DEUP1: variants seen among roughly 807,000 people sequenced by gnomAD.
The protein encoded by DEUP1 is coiled-coil domain containing 67.
A neutral mutation model predicts 87.4 loss-of-function variants in DEUP1; 82 were observed. The observed-to-expected ratio is 0.94, with a 90% CI of 0.78 to 1.13. DEUP1 has a LOEUF of 1.13. Among genes scored for constraint, DEUP1 ranks in the 50% most tolerant of loss-of-function variants. The pLI, the probability that DEUP1 is intolerant of heterozygous loss-of-function variation, is 0.00. For missense variants in DEUP1, 663 were observed against 681.5 expected, an observed-to-expected ratio of 0.97 and a Z score of 0.30; for synonymous variants, 214 against 222.7, an observed-to-expected ratio of 0.96 and a Z score of 0.35.
At position 93,385,445 on chromosome 11, in the gene DEUP1, T is replaced by C. The variant is rs1946494923; in HGVS notation, c.837T>C (p.Arg279=). The C allele has an allele frequency of 6.2e-7, 1 of 1,612,846 alleles. No individual in the cohort carries two copies. The highest frequency in any genetic ancestry group is 8.5e-7 in the Non-Finnish European group (1 of 1,179,380). ...LSEVKSELQS[R]DDLLRIIEME... ...AGGTAAAAAGTGAGTTACAGTCACG[T>C]GATGATCTCTTGAGAATTATAGAAA... Residue 279 remains arginine (R), a synonymous_variant, in exon 8 of 14, where the codon CGT becomes CGC. Transcript: ENST00000298050.
intron 2 of DEUP1, among the ~76,000 whole-genome samples, chr11:93,349,502 G>A (rs533699763): frequency 6.6e-6 from 1 of 152,166 alleles, no homozygotes; most frequent in South Asian, 2.1e-4. Flanking sequence ...CAAAGGATCT[G>A]TGAGACCCCC....
intron 13 of DEUP1, among the ~76,000 whole-genome samples, chr11:93,420,611 G>A (rs201335589): frequency 0.82 from 112,593 of 137,122 alleles, 46,205 homozygotes; most frequent in East Asian, 0.9. Flanking sequence ...TAGGAAAAGA[G>A]GAAGTCAAAT....
At chr11:93,352,333 C>G (rs536221227) in intron 2 of DEUP1, 1 of 702,418 alleles carries the variant, frequency 1.4e-6, no homozygotes, top group African/African-American at 1.7e-5. Context: ...TAACTACCTG[C>G]TTATCCAGTC....
chr11:93,341,758 T>C (rs1325742900), intron 2 of DEUP1, among the ~76,000 whole-genome samples: 1 of 152,186 alleles, frequency 6.6e-6, no homozygotes, highest in African/African-American at 2.4e-5. Context: ...ATGGTTATTA[T>C]AATAAATTGC....
At chr11:93,347,480 T>C (rs2134185139) in intron 2 of DEUP1, among the ~76,000 whole-genome samples, 1 of 152,300 alleles carries the variant, frequency 6.6e-6, no homozygotes, top group Admixed American at 6.5e-5. Context: ...AGGTTTTTCT[T>C]TTTTTGTTTT....
At chr11:93,377,029 G>A (rs1007410244) in intron 7 of DEUP1, among the ~76,000 whole-genome samples, 2 of 152,154 alleles carry the variant, frequency 1.3e-5, no homozygotes, top group Admixed American at 6.5e-5. Context: ...GACTTGTTTT[G>A]TAGCCTATCT....
At chr11:93,399,664 T>G (rs1046327373) in intron 11 of DEUP1, among the ~76,000 whole-genome samples, 2 of 151,832 alleles carry the variant, frequency 1.3e-5, no homozygotes, top group African/African-American at 4.8e-5. Flanking sequence ...TTTCAATATC[T>G]TGGAACTTAT....
chr11:93,405,891 G>T (rs1446216669), intron 11 of DEUP1, among the ~76,000 whole-genome samples: 2 of 151,800 alleles, frequency 1.3e-5, no homozygotes, highest in Non-Finnish European at 2.9e-5. Context: ...CTTCGAAAAA[G>T]ATGTTTTACT....
At chr11:93,396,109 A>G (rs1946937091) in intron 10 of DEUP1, 130 bp from the exon 11 acceptor site, 1 of 657,596 alleles carries the variant, frequency 1.5e-6, no homozygotes, top group Non-Finnish European at 2.7e-6. Flanking sequence ...CCTGAATGTT[A>G]TTGGTCGTAC....
chr11:93,386,018 A>G (rs1422998876), intron 8 of DEUP1, among the ~76,000 whole-genome samples: 1 of 151,994 alleles, frequency 6.6e-6, no homozygotes, highest in Non-Finnish European at 1.5e-5. Flanking sequence ...GTGCCACTGT[A>G]CACCAGCCTG....
intron 11 of DEUP1, among the ~76,000 whole-genome samples, chr11:93,407,959 G>A (rs549266026): frequency 6.6e-6 from 1 of 151,966 alleles, no homozygotes. Context: ...TTTGGGGCAT[G>A]AGCAATATTG....
rs746658461 is a variant in DEUP1, at chr11:93,371,153, AAAGAG to A, written c.664_668del (p.Arg222Ter). The stretch of plus-strand genomic sequence containing the variant: ...CCAGATCCCAATTGTGAAATCAATG[AAAGAG>A]ATGAGTTCATTATTGAAAAACTGAA... On this transcript the variant is annotated frameshift_variant, in exon 7 of 14. Transcript: ENST00000298050. LOFTEE classifies it high-confidence loss of function. 6.2e-7 allele frequency: 1 copy of A among 1,613,338 alleles called. No individual in the cohort carries two copies.
At chr11:93,352,181 A>T (rs1024127179) in intron 2 of DEUP1, 1 of 527,782 alleles carries the variant, frequency 1.9e-6, no homozygotes, top group Non-Finnish European at 3.4e-6. Context: ...GTCATGTGGC[A>T]CCTGCCTCTC....
At chr11:93,433,795 G>A (rs1168629993) in intron 13 of DEUP1, among the ~76,000 whole-genome samples, 1 of 152,116 alleles carries the variant, frequency 6.6e-6, no homozygotes, top group Non-Finnish European at 1.5e-5. Context: ...GCAAAGATGT[G>A]GTCTGAGCTA....
At chr11:93,428,030 T>C (rs1340996366) in intron 13 of DEUP1, among the ~76,000 whole-genome samples, 8 of 152,006 alleles carry the variant, frequency 5.3e-5, no homozygotes, top group Admixed American at 4.6e-4. Context: ...TTGGTGGGAC[T>C]GTAAACTAGT....
At chr11:93,356,210 G>A (rs1014066361) in intron 3 of DEUP1, among the ~76,000 whole-genome samples, 8 of 152,154 alleles carry the variant, frequency 5.3e-5, no homozygotes, top group African/African-American at 1.2e-4. Flanking sequence ...GTTATATACC[G>A]TAACAAAACA....
At chr11:93,375,176 T>C (rs1009830667) in intron 7 of DEUP1, among the ~76,000 whole-genome samples, 18 of 152,210 alleles carry the variant, frequency 1.2e-4, no homozygotes, top group African/African-American at 3.6e-4. Flanking sequence ...ATTTGTCAGT[T>C]CTAGGAGCTT....
intron 4 of DEUP1, among the ~76,000 whole-genome samples, chr11:93,362,984 CA>C (rs1268696584): frequency 6.6e-6 from 1 of 151,546 alleles, no homozygotes; most frequent in African/African-American, 2.4e-5. Flanking sequence ...TTACAGTAGA[CA>C]AAAACTGGAA....
At position 93,396,207 on chromosome 11, in the gene DEUP1, T is replaced by C. The variant is rs544897196; in HGVS notation, c.1240-32T>C. On this transcript the variant is annotated intron_variant, in intron 10 of 13. Transcript: ENST00000298050. ...TAGAATTATGAGTTTTTATTATGAA[T>C]TTTACATTTGCCTTTTATCTGCTAA... The C allele has an allele frequency of 2.5e-4, 333 of 1,330,694 alleles. 5 individuals carry two copies. In the South Asian group the frequency reaches 4.2e-3, roughly 17 times the overall value. 82.4% of individuals were successfully genotyped at this position (1,330,694 alleles called of 1,614,324 possible).
Sources: gnomAD v4.1 joint callset for allele counts (sites outside exome capture counted in the v4.1 genomes callset) on GRCh38, gnomAD v4.1.1 for gene constraint, MANE v1.5 for transcripts, NCBI Gene and HGNC (gene_info 2026-07-23, HGNC 2026-07-21) for gene names.